Variants in DDX60L observed in about 807,000 individuals in gnomAD.
DDX60L encodes DExD/H-box 60 like.
A neutral mutation model predicts 211.6 loss-of-function variants in DDX60L; 191 were observed. That is an observed-to-expected ratio of 0.90 (90% CI 0.80 to 1.02). The LOEUF (loss-of-function observed/expected upper bound fraction) is 1.02, where lower values mean the gene tolerates loss of function less well. Ranked by LOEUF, DDX60L falls within the 50% of genes least tolerant of loss-of-function variation. DDX60L has a pLI of 0.00. For synonymous variants in DDX60L, 706 were observed against 694.1 expected (o/e 1.02, Z -0.27); for missense variants, 2,007 against 1,984.1 (o/e 1.01, Z -0.22).
At chr4:168,375,315 C>T (rs1476976486) in intron 34 of DDX60L, 62 bp downstream of exon 34, 1 of 1,537,564 alleles carries the variant, frequency 6.5e-7, no homozygotes, top group Admixed American at 1.9e-5. Flanking sequence ...TATCCAGAGG[C>T]TTTCTTAACC....
intron 30 of DDX60L, among the ~76,000 whole-genome samples, chr4:168,382,952 C>T (rs1352033565): frequency 1.3e-5 from 2 of 152,170 alleles, no homozygotes; most frequent in Non-Finnish European, 2.9e-5. Flanking sequence ...GAATATGATG[C>T]TAAGAAGTCC....
chr4:168,430,307 T>A (rs1281926561), intron 13 of DDX60L, among the ~76,000 whole-genome samples, 171 bp downstream of exon 13: 3 of 152,166 alleles, frequency 2.0e-5, no homozygotes, highest in Non-Finnish European at 2.9e-5. Context: ...CCTTTTTTCT[T>A]TATAAATTAC....
intron 35 of DDX60L, among the ~76,000 whole-genome samples, chr4:168,372,528 T>A (rs768237500): frequency 7.2e-6 from 1 of 138,964 alleles, no homozygotes; most frequent in Non-Finnish European, 1.6e-5. Flanking sequence ...GAGTTCAAGA[T>A]CAGACTGGGC....
chr4:168,411,238 G>T (rs1197272498), intron 22 of DDX60L, among the ~76,000 whole-genome samples: 2 of 152,086 alleles, frequency 1.3e-5, no homozygotes, highest in African/African-American at 4.8e-5. Context: ...CACACAAAAG[G>T]CACCTTTATA....
intron 13 of DDX60L, among the ~76,000 whole-genome samples, chr4:168,429,375 C>T (rs954026753): frequency 6.6e-6 from 1 of 152,104 alleles, no homozygotes; most frequent in Non-Finnish European, 1.5e-5. Flanking sequence ...GTGTCGAACT[C>T]CTGACCTCAG....
chr4:168,432,939 T>C, intron 11 of DDX60L, 71 bp downstream of exon 11: 1 of 898,726 alleles, frequency 1.1e-6, no homozygotes, highest in Non-Finnish European at 1.7e-6. Flanking sequence ...ATAGACATTT[T>C]GATGAGTCAT....
At chr4:168,472,408 G>C in intron 3 of DDX60L, 47 bp downstream of exon 3, 1 of 1,359,346 alleles carries the variant, frequency 7.4e-7, no homozygotes, top group Non-Finnish European at 1.0e-6. Context: ...TGGAAACACA[G>C]AGCATACAAT....
intron 10 of DDX60L, among the ~76,000 whole-genome samples, chr4:168,436,818 A>G (rs1399764579): frequency 6.6e-6 from 1 of 152,164 alleles, no homozygotes; most frequent in Non-Finnish European, 1.5e-5. Flanking sequence ...AGACACAACA[A>G]TGATTCCATT....
At chr4:168,374,494 A>C (rs1284717724) in intron 34 of DDX60L, among the ~76,000 whole-genome samples, 2 of 152,198 alleles carry the variant, frequency 1.3e-5, no homozygotes, top group Non-Finnish European at 2.9e-5. Context: ...AAGCTTAGTT[A>C]CTTTGCAATA....
chr4:168,376,786 C>A (rs1742020120), intron 33 of DDX60L, among the ~76,000 whole-genome samples: 1 of 152,204 alleles, frequency 6.6e-6, no homozygotes, highest in South Asian at 2.1e-4. Context: ...TGCTATACAG[C>A]CCCATCAGGA....
chr4:168,419,470 C>G, intron 18 of DDX60L, 73 bp from the exon 19 acceptor site: 2 of 1,062,062 alleles, frequency 1.9e-6, no homozygotes, highest in Non-Finnish European at 2.7e-6. Flanking sequence ...TAATAGGAAC[C>G]TAGAAAATAT....
At chr4:168,425,904 T>C (rs1460626649) in intron 14 of DDX60L, among the ~76,000 whole-genome samples, 5 of 152,246 alleles carry the variant, frequency 3.3e-5, no homozygotes, top group Non-Finnish European at 7.3e-5. Flanking sequence ...ACGTAATACC[T>C]GGAAATAGTA....
At position 168,448,782 on chromosome 4, in the gene DDX60L, G is replaced by A; in HGVS notation, c.997-3C>T. 6.3e-7 allele frequency: 1 copy of A among 1,595,326 alleles called. No homozygotes were observed. The highest frequency in any genetic ancestry group is 8.5e-7 in the Non-Finnish European group (1 of 1,170,868). On this transcript the variant is annotated splice_polypyrimidine_tract_variant and splice_region_variant and intron_variant, in intron 8 of 37. Transcript: ENST00000682922. ...ATGAAATATTCACACCACTTGTTCT[G>A]AAAATTAAAAATAAAACATTATTAG...
In DDX60L at chr4:168,430,657, A is replaced by G; in HGVS notation, c.1517-19T>C. On this transcript the variant is annotated intron_variant, in intron 12 of 37. Transcript: ENST00000682922. ...GATTGTTCTGAAATAGAAAGACTTA[A>G]AATGTAAACATGTATTTTAAAATAT... 2 of 1,491,362 alleles carry G rather than the reference A, an allele frequency of 1.3e-6. No individual in the cohort carries two copies. The highest frequency in any genetic ancestry group is 1.8e-6 in the Non-Finnish European group (2 of 1,116,466). 92.4% of individuals were successfully genotyped at this position (1,491,362 alleles called of 1,614,324 possible). A position where few individuals can be genotyped will look rare whatever the true frequency, so the allele number is the denominator to read the frequency against.
At chr4:168,372,241 A>G (rs949972047) in intron 35 of DDX60L, among the ~76,000 whole-genome samples, 2 of 152,138 alleles carry the variant, frequency 1.3e-5, no homozygotes, top group Non-Finnish European at 2.9e-5. Context: ...TCTGGGCTCC[A>G]GAGAGAAGAA....
At chr4:168,406,900 T>C (rs1747839122) in intron 22 of DDX60L, among the ~76,000 whole-genome samples, 194 bp from the exon 23 acceptor site, 1 of 152,144 alleles carries the variant, frequency 6.6e-6, no homozygotes, top group Admixed American at 6.6e-5. Flanking sequence ...ATCCCTAACC[T>C]GCTGAAATGG....
intron 1 of DDX60L, among the ~76,000 whole-genome samples, chr4:168,477,191 G>A (rs1483855115): frequency 3.3e-5 from 5 of 152,052 alleles, no homozygotes; most frequent in Admixed American, 6.5e-5. Context: ...CAAGGCGGAC[G>A]GATCACAAGG....
chr4:168,431,668 A>G (rs1752378108), intron 12 of DDX60L, among the ~76,000 whole-genome samples: 2 of 152,058 alleles, frequency 1.3e-5, no homozygotes, highest in Non-Finnish European at 2.9e-5. Context: ...TAACCTGCAC[A>G]TTGTGCACAT....
intron 29 of DDX60L, chr4:168,390,237 CAAGG>C: frequency 9.5e-7 from 1 of 1,050,890 alleles, no homozygotes; most frequent in Non-Finnish European, 1.1e-6. Context: ...GTGATTTTGG[CAAGG>C]AAGAGAAAAA....
Sources: allele counts gnomAD v4.1 joint callset (sites outside exome capture counted in the v4.1 genomes callset), GRCh38; gene constraint gnomAD v4.1.1; transcripts MANE v1.5; gene names NCBI Gene and HGNC (gene_info 2026-07-23, HGNC 2026-07-21).